Variants in CTNNA2 observed in about 807,000 individuals in gnomAD.
CTNNA2 encodes the protein catenin alpha-2.
In CTNNA2, 42 loss-of-function variants were observed where a neutral mutation model predicts 101.0. That is an observed-to-expected ratio of 0.42 (90% CI 0.32 to 0.54). CTNNA2 has a LOEUF of 0.54. Ranked by LOEUF, CTNNA2 falls within the 20% of genes least tolerant of loss-of-function variation. The pLI is 0.14. For missense variants in CTNNA2, 871 were observed against 1,223.1 expected, an observed-to-expected ratio of 0.71 and a Z score of 4.29; for synonymous variants, 450 against 456.4, an observed-to-expected ratio of 0.99 and a Z score of 0.18.
At position 79,406,453 on chromosome 2, in the gene CTNNA2, A is replaced by G. The variant is rs150613691; in HGVS notation, c.-135+32440A>G. Reference sequence around the variant, plus strand: ...GCATGAGAGAAAAGGCTGAGCAGCTATGGACCACCTCACTCTGGAAAGATT... The same window carrying G: ...GCATGAGAGAAAAGGCTGAGCAGCTGTGGACCACCTCACTCTGGAAAGATT... On this transcript the variant is annotated intron_variant, in intron 4 of 21. Transcript: ENST00000466387. Among the ~76,000 whole-genome samples the G allele has an allele frequency of 8.4e-3, 1,283 of 152,142 alleles. 17 individuals are homozygous for G. The highest frequency in any genetic ancestry group is 0.028 in the African/African-American group (1,182 of 41,528).
chr2:80,460,121 C>A (rs1684302996), intron 9 of CTNNA2, among the ~76,000 whole-genome samples: 1 of 151,898 alleles, frequency 6.6e-6, no homozygotes, highest in Admixed American at 6.6e-5. Flanking sequence ...CAGATATGAC[C>A]CCATTAAGGA....
intron 7 of CTNNA2, among the ~76,000 whole-genome samples, chr2:80,235,361 C>G (rs1709489419): frequency 6.6e-6 from 1 of 152,112 alleles, no homozygotes; most frequent in Non-Finnish European, 1.5e-5. Context: ...GAGATTTTTC[C>G]AAGTATTCGG....
At chr2:80,464,604 T>A (rs992001855) in intron 9 of CTNNA2, among the ~76,000 whole-genome samples, 18 of 152,152 alleles carry the variant, frequency 1.2e-4, no homozygotes, top group African/African-American at 4.3e-4. Flanking sequence ...CAATATTAGC[T>A]AGGAAGTTTC....
chr2:80,473,582 G>A lies in CTNNA2; in HGVS notation c.1290+53981G>A, dbSNP rs535112975. Among the ~76,000 whole-genome samples the A allele has an allele frequency of 2.4e-3, 368 of 152,256 alleles. 3 individuals are homozygous for A. The highest frequency in any genetic ancestry group is 8.3e-3 in the African/African-American group (344 of 41,548). Reference sequence around the variant, plus strand: ...ACATTTTGAAGAGGTTATAAATGCTGTACTCATTGGAACCCACCTCACCAG... The same window carrying A: ...ACATTTTGAAGAGGTTATAAATGCTATACTCATTGGAACCCACCTCACCAG... On this transcript the variant is annotated intron_variant, in intron 9 of 18. Transcript: ENST00000402739.
chr2:79,743,536 A>ATT (rs34075986), intron 2 of CTNNA2, among the ~76,000 whole-genome samples: 276 of 143,814 alleles, frequency 1.9e-3, no homozygotes, highest in South Asian at 8.6e-3. Context: ...TATTTTATTT[A>ATT]TTTTTTTTTT....
At position 80,302,213 on chromosome 2, in the gene CTNNA2, G is replaced by T. The variant is rs1208894995; in HGVS notation, c.1057-90998G>T. The stretch of plus-strand genomic sequence containing the variant: ...GCCGGCCCGTCCCGGCTGCCCAGGC[G>T]TATTTGGTAGCGCATGGGTTGAGAG... On this transcript the variant is annotated intron_variant, in intron 7 of 18. Coordinates refer to ENST00000402739, the MANE Select transcript of CTNNA2 (RefSeq NM_001282597.3). This position sits in a 1 kb window ranked among gnomAD's most constrained non-coding sequence, Gnocchi z 6.4. The T allele has an allele frequency of 6.3e-7, 1 of 1,588,804 alleles. No individual in the cohort carries two copies. The highest frequency in any genetic ancestry group is 2.2e-5 in the East Asian group (1 of 44,670).
chr2:80,403,766 A>C (rs1678797990), intron 8 of CTNNA2, among the ~76,000 whole-genome samples: 1 of 152,138 alleles, frequency 6.6e-6, no homozygotes, highest in South Asian at 2.1e-4. Context: ...TGTTACTATT[A>C]TTTTGAGGTA....
At position 79,672,438 on chromosome 2, in the gene CTNNA2, G is replaced by T. The variant is rs564170754; in HGVS notation, c.102+20780G>T. Among the ~76,000 whole-genome samples, 106 of 151,884 alleles carry T rather than the reference G, an allele frequency of 7.0e-4. No homozygotes were observed. The South Asian group carries it at 0.016, about 22-fold the overall frequency. Reference sequence around the variant, plus strand: ...CAATTATTCCCTTTTTTTGTAATCGGTTCTAAGAAAATTGCCACTTTCATG... The same window carrying T: ...CAATTATTCCCTTTTTTTGTAATCGTTTCTAAGAAAATTGCCACTTTCATG... On this transcript the variant is annotated intron_variant, in intron 2 of 18. Coordinates refer to ENST00000402739, the MANE Select transcript of CTNNA2 (RefSeq NM_001282597.3).
intron 7 of CTNNA2, among the ~76,000 whole-genome samples, chr2:80,195,950 A>G (rs1008353180): frequency 2.0e-5 from 3 of 152,190 alleles, no homozygotes; most frequent in Non-Finnish European, 2.9e-5. Context: ...ACATCTTTTA[A>G]TAGCCAGAGC....
chr2:79,522,725 C>T (rs1031521373), intron 1 of CTNNA2, among the ~76,000 whole-genome samples: 1 of 152,108 alleles, frequency 6.6e-6, no homozygotes, highest in Non-Finnish European at 1.5e-5. Flanking sequence ...AGAACTAAAG[C>T]TGGGACACTG....
chr2:79,383,587 G>A (rs182584275), intron 4 of CTNNA2, among the ~76,000 whole-genome samples: 3 of 152,122 alleles, frequency 2.0e-5, no homozygotes, highest in Admixed American at 2.0e-4. Flanking sequence ...CCATCACATG[G>A]CATAGTGCGT....
chr2:80,644,197 C>T (rs1673806643), intron 18 of CTNNA2, among the ~76,000 whole-genome samples: 1 of 152,062 alleles, frequency 6.6e-6, no homozygotes, highest in Admixed American at 6.6e-5. Context: ...ACGTTACCTC[C>T]CTAAGCTTCA....
chr2:80,626,271 C>T (rs1345755800), intron 18 of CTNNA2, among the ~76,000 whole-genome samples: 1 of 152,038 alleles, frequency 6.6e-6, no homozygotes, highest in Non-Finnish European at 1.5e-5. Context: ...AGAGTGAACA[C>T]AGAGTCATCA....
Position 80,588,842 on chromosome 2 carries a change from C to G in CTNNA2, c.2008-462C>G, listed in dbSNP as rs936737901. Among the ~76,000 whole-genome samples, 4 of 152,156 alleles carry G rather than the reference C, an allele frequency of 2.6e-5. No individual in the cohort carries two copies. The South Asian group carries it at 6.2e-4, about 24-fold the overall frequency. ...CATAGAAAGTAGCCCCATCCTCCCCCACTTGGATGCTCAGATAGTGTTTAA... is the reference window on the plus strand; with the variant it reads ...CATAGAAAGTAGCCCCATCCTCCCCGACTTGGATGCTCAGATAGTGTTTAA... On this transcript the variant is annotated intron_variant, in intron 14 of 18. Coordinates refer to ENST00000402739, the MANE Select transcript of CTNNA2 (RefSeq NM_001282597.3).
chr2:80,330,942 T>C (rs543305651), intron 7 of CTNNA2, among the ~76,000 whole-genome samples: 2 of 152,238 alleles, frequency 1.3e-5, no homozygotes, highest in African/African-American at 4.8e-5. Context: ...CACAAGGTAC[T>C]TCATCAAAAA....
chr2:79,853,634 C>T (rs1680898887), intron 3 of CTNNA2, among the ~76,000 whole-genome samples: 1 of 151,464 alleles, frequency 6.6e-6, no homozygotes, highest in Non-Finnish European at 1.5e-5. Context: ...CTGCCTTCCA[C>T]ATGCCATACT....
At chr2:79,429,847 G>T (rs1678637994) in intron 4 of CTNNA2, among the ~76,000 whole-genome samples, 1 of 152,098 alleles carries the variant, frequency 6.6e-6, no homozygotes, top group Admixed American at 6.6e-5. Flanking sequence ...GTTCCAGGAG[G>T]CTGGTATTAA....
At chr2:80,091,397 C>A (rs926922946) in intron 7 of CTNNA2, among the ~76,000 whole-genome samples, 1 of 152,074 alleles carries the variant, frequency 6.6e-6, no homozygotes, top group African/African-American at 2.4e-5. Flanking sequence ...GGACCAGATT[C>A]AGTTTTGGAA....
At chr2:79,261,010 A>C (rs1674914554) in intron 2 of CTNNA2, among the ~76,000 whole-genome samples, 1 of 152,206 alleles carries the variant, frequency 6.6e-6, no homozygotes, top group African/African-American at 2.4e-5. Flanking sequence ...GAATTACCCT[A>C]AGCACATGTT....
Sources: allele counts gnomAD v4.1 joint callset (sites outside exome capture counted in the v4.1 genomes callset), GRCh38; gene constraint gnomAD v4.1.1; non-coding constraint Gnocchi (gnomAD v3.1); transcripts MANE v1.5; gene names NCBI Gene and HGNC (gene_info 2026-07-23, HGNC 2026-07-21).